Variants in ZFYVE9 observed in about 807,000 individuals in gnomAD.
The protein encoded by ZFYVE9 is zinc finger FYVE domain-containing protein 9.
Under a neutral mutation model 126.7 loss-of-function variants are expected in ZFYVE9, and 43 were observed. The ratio of observed to expected loss-of-function variants is 0.34; its 90% CI spans 0.27 to 0.44. The LOEUF (loss-of-function observed/expected upper bound fraction) is 0.44, where lower values mean the gene tolerates loss of function less well. ZFYVE9 is among the 20% of genes least tolerant of loss of function. The pLI, the probability that ZFYVE9 is intolerant of heterozygous loss-of-function variation, is 1.00. For missense variants in ZFYVE9, 1,476 were observed against 1,697.0 expected, an observed-to-expected ratio of 0.87 and a Z score of 2.29; for synonymous variants, 521 against 597.4, an observed-to-expected ratio of 0.87 and a Z score of 1.87.
chr1:52,327,807 C>G (rs561371759), intron 13 of ZFYVE9, among the ~76,000 whole-genome samples: 1 of 151,720 alleles, frequency 6.6e-6, no homozygotes, highest in East Asian at 1.9e-4. Context: ...AACTCCGTCT[C>G]TACTAAAAAT....
chr1:52,307,326 C>A (rs1320522497), intron 13 of ZFYVE9, among the ~76,000 whole-genome samples: 3 of 152,008 alleles, frequency 2.0e-5, no homozygotes, highest in Non-Finnish European at 4.4e-5. Context: ...ACCTACGCCT[C>A]CAGGATTCAA....
At chr1:52,341,378 A>G (rs1349791345) in intron 17 of ZFYVE9, among the ~76,000 whole-genome samples, 2 of 152,240 alleles carry the variant, frequency 1.3e-5, no homozygotes, top group African/African-American at 4.8e-5. Flanking sequence ...TGAAAGCTGT[A>G]TTAGAGGCTC....
chr1:52,317,541 C>T (rs372704976), intron 13 of ZFYVE9, among the ~76,000 whole-genome samples: 5 of 151,142 alleles, frequency 3.3e-5, no homozygotes, highest in Admixed American at 2.0e-4. Context: ...ACTCGTCTAC[C>T]TTAAGTAATT....
intron 13 of ZFYVE9, among the ~76,000 whole-genome samples, chr1:52,328,643 T>G (rs540693721): frequency 6.6e-6 from 1 of 152,328 alleles, no homozygotes; most frequent in East Asian, 1.9e-4. Flanking sequence ...AGAAACCACT[T>G]TAGCCTAATG....
At chr1:52,164,098 C>G (rs1014146806) in intron 1 of ZFYVE9, among the ~76,000 whole-genome samples, 1 of 151,558 alleles carries the variant, frequency 6.6e-6, no homozygotes, top group Admixed American at 6.6e-5. Context: ...ACTATAGATG[C>G]GCACCACCAC....
At position 52,278,631 on chromosome 1, in the gene ZFYVE9, T is replaced by C. The variant is rs770803602; in HGVS notation, c.2869+17T>C. Reference sequence around the variant, plus strand: ...TTGTAAATTGTAAGTTATAAATTTTTAAAAATTAAAATCAGATGTTTTACT... The same window carrying C: ...TTGTAAATTGTAAGTTATAAATTTTCAAAAATTAAAATCAGATGTTTTACT... On this transcript the variant is annotated intron_variant, in intron 9 of 18. Coordinates refer to ENST00000287727, the MANE Select transcript of ZFYVE9 (RefSeq NM_004799.4). 5.4e-6 allele frequency: 8 copies of C among 1,478,266 alleles called. No individual in the cohort carries two copies. The South Asian group carries it at 1.0e-4, about 19-fold the overall frequency. 91.6% of individuals were successfully genotyped at this position (1,478,266 alleles called of 1,614,324 possible). A position where few individuals can be genotyped will look rare whatever the true frequency, so the allele number is the denominator to read the frequency against.
intron 1 of ZFYVE9, chr1:52,160,442 T>A: frequency 1.1e-6 from 1 of 899,536 alleles, no homozygotes; most frequent in East Asian, 2.4e-5. Flanking sequence ...GGCAGTGCCT[T>A]TCTATGTGTG....
chr1:52,202,278 T>A (rs1277066628), intron 1 of ZFYVE9, among the ~76,000 whole-genome samples: 1 of 151,870 alleles, frequency 6.6e-6, no homozygotes, highest in Non-Finnish European at 1.5e-5. Context: ...TAGTGTTTTT[T>A]TGTTTTGTTT....
chr1:52,206,546 T>TG (rs1365689988), intron 1 of ZFYVE9, among the ~76,000 whole-genome samples: 18 of 151,942 alleles, frequency 1.2e-4, no homozygotes, highest in African/African-American at 9.7e-5. Flanking sequence ...TTGTTGTTGT[T>TG]TTGTTTTGTT....
intron 1 of ZFYVE9, among the ~76,000 whole-genome samples, chr1:52,207,539 G>T (rs1424797863): frequency 6.6e-6 from 1 of 152,182 alleles, no homozygotes; most frequent in African/African-American, 2.4e-5. Context: ...TTTTGGTCTT[G>T]ATCTGCAGGA....
At chr1:52,164,627 T>C (rs1247388892) in intron 1 of ZFYVE9, among the ~76,000 whole-genome samples, 1 of 152,058 alleles carries the variant, frequency 6.6e-6, no homozygotes, top group Non-Finnish European at 1.5e-5. Flanking sequence ...AATGAGTATA[T>C]ATCTTTGTCC....
At chr1:52,224,536 CT>C (rs765374671) in intron 2 of ZFYVE9, among the ~76,000 whole-genome samples, 2 of 152,140 alleles carry the variant, frequency 1.3e-5, no homozygotes, top group Non-Finnish European at 2.9e-5. Flanking sequence ...AGAAACTGGA[CT>C]TTTATCATTG....
chr1:52,293,436 A>C lies in ZFYVE9; in HGVS notation c.3026-17A>C, dbSNP rs760108871. 2 of 1,587,050 alleles carry C rather than the reference A, an allele frequency of 1.3e-6. No homozygotes were observed. The highest frequency in any genetic ancestry group is 2.7e-5 in the African/African-American group (2 of 73,568). ...ATTTATTGATACAAAGTAGCTAATAAACTTTTTTGTTTTTAGGGAATGTGG... is the reference window on the plus strand; with the variant it reads ...ATTTATTGATACAAAGTAGCTAATACACTTTTTTGTTTTTAGGGAATGTGG... On this transcript the variant is annotated splice_polypyrimidine_tract_variant and intron_variant, in intron 10 of 18. Transcript: ENST00000287727.
At chr1:52,234,783 A>G (rs1302663029) in intron 3 of ZFYVE9, among the ~76,000 whole-genome samples, 1 of 152,220 alleles carries the variant, frequency 6.6e-6, no homozygotes, top group Non-Finnish European at 1.5e-5. Context: ...TGGGCTTTGT[A>G]CATACCAGGC....
chr1:52,208,579 G>A (rs143413000), intron 1 of ZFYVE9, among the ~76,000 whole-genome samples: 7 of 151,184 alleles, frequency 4.6e-5, no homozygotes, highest in Non-Finnish European at 8.8e-5. Context: ...TTGGCCTGGC[G>A]CGATCTCAGC....
intron 14 of ZFYVE9, 112 bp downstream of exon 14, chr1:52,333,030 AT>A: frequency 1.5e-6 from 2 of 1,358,412 alleles, no homozygotes; most frequent in Non-Finnish European, 2.0e-6. Flanking sequence ...CCACAAACAA[AT>A]TAATTAACCT....
At chr1:52,268,252 T>C (rs1645652643) in intron 6 of ZFYVE9, among the ~76,000 whole-genome samples, 3 of 152,256 alleles carry the variant, frequency 2.0e-5, no homozygotes, top group Admixed American at 2.0e-4. Context: ...TCTTTGCATA[T>C]AAGTTAAACA....
intron 1 of ZFYVE9, among the ~76,000 whole-genome samples, chr1:52,178,357 A>G (rs1259154649): frequency 6.4e-5 from 8 of 125,978 alleles, no homozygotes; most frequent in African/African-American, 2.1e-4. Context: ...TTTGAGACGG[A>G]GTCTCGCACT....
intron 2 of ZFYVE9, among the ~76,000 whole-genome samples, chr1:52,225,022 G>A (rs1645156535): frequency 6.6e-6 from 1 of 152,100 alleles, no homozygotes; most frequent in African/African-American, 2.4e-5. Context: ...CCTACAAGGT[G>A]ACCACAGAAC....
Sources: allele counts gnomAD v4.1 joint callset (sites outside exome capture counted in the v4.1 genomes callset), GRCh38; gene constraint gnomAD v4.1.1; transcripts MANE v1.5; gene names NCBI Gene and HGNC (gene_info 2026-07-23, HGNC 2026-07-21).